The following GALNT1 variants were observed in gnomAD, a reference collection of about 807,000 sequenced individuals.
The protein encoded by GALNT1 is polypeptide N-acetylgalactosaminyltransferase 1.
A neutral mutation model predicts 65.7 loss-of-function variants in GALNT1; 17 were observed. The observed-to-expected ratio is 0.26, with a 90% CI of 0.18 to 0.39. The LOEUF (loss-of-function observed/expected upper bound fraction) is 0.39. GALNT1 is among the 10% of genes least tolerant of loss of function. GALNT1 has a pLI of 1.00. For synonymous variants in GALNT1, 210 were observed against 219.7 expected (o/e 0.96, Z 0.39); for missense variants, 460 against 672.8 (o/e 0.68, Z 3.50).
At chr18:35,647,648 A>G (rs1405237063) in intron 1 of GALNT1, among the ~76,000 whole-genome samples, 1 of 152,122 alleles carries the variant, frequency 6.6e-6, no homozygotes, top group Non-Finnish European at 1.5e-5. Context: ...TCTGGTTAGT[A>G]TGATGTAAAA....
chr18:35,598,049 T>TCCCC (rs2046529666), intron 1 of GALNT1, among the ~76,000 whole-genome samples: 1 of 75,338 alleles, frequency 1.3e-5, no homozygotes, highest in Non-Finnish European at 2.4e-5. Flanking sequence ...CTCCCCTCCC[T>TCCCC]TCTCTTCTTT....
At chr18:35,692,359 TG>T in intron 9 of GALNT1, 39 bp downstream of exon 9, 1 of 1,277,264 alleles carries the variant, frequency 7.8e-7, no homozygotes, top group South Asian at 1.9e-5. Context: ...GTGGTTATTA[TG>T]TTCTTACTTT....
rs973900880 is a variant in GALNT1, at chr18:35,649,043, A to C, written c.-103-5517A>C. 6.6e-5 allele frequency among the ~76,000 whole-genome samples: 10 copies of C among 152,316 alleles called. No homozygotes were observed. In the East Asian group the frequency reaches 1.9e-3, roughly 29 times the overall value. On this transcript the variant is annotated intron_variant, in intron 1 of 11. Transcript: ENST00000269195. The stretch of plus-strand genomic sequence containing the variant: ...TATTGATGATTATAAGTAGGCTGCT[A>C]TAAAGATGTGCATACAGGGCTGTGT...
chr18:35,598,013 C>T (rs1598780418), intron 1 of GALNT1, among the ~76,000 whole-genome samples: 1 of 86,800 alleles, frequency 1.2e-5, no homozygotes, highest in Non-Finnish European at 2.5e-5. Context: ...CCTCCCCTCC[C>T]CTCCCCTCCA....
At chr18:35,678,417 T>C (rs2047742209) in intron 4 of GALNT1, among the ~76,000 whole-genome samples, 1 of 152,140 alleles carries the variant, frequency 6.6e-6, no homozygotes, top group African/African-American at 2.4e-5. Context: ...GAAATACTCT[T>C]TGGGAAAGGA....
chr18:35,634,398 G>C (rs147957442), intron 1 of GALNT1, among the ~76,000 whole-genome samples: 1 of 152,110 alleles, frequency 6.6e-6, no homozygotes, highest in African/African-American at 2.4e-5. Context: ...AGACCCACCC[G>C]TAGGTTCAGT....
chr18:35,677,895 C>A, intron 4 of GALNT1, 138 bp downstream of exon 4: 1 of 602,012 alleles, frequency 1.7e-6, no homozygotes. Context: ...TGGATTCATT[C>A]ACATATGTAA....
At chr18:35,598,992 T>A (rs2046542239) in intron 1 of GALNT1, among the ~76,000 whole-genome samples, 3 of 108,496 alleles carry the variant, frequency 2.8e-5, no homozygotes, top group Admixed American at 2.6e-4. Context: ...TATCCAGGCG[T>A]TTTTTTTTTT....
Position 35,692,322 on chromosome 18 carries a change from TAAGA to T in GALNT1, c.1299+5_1299+8del. The T allele has an allele frequency of 6.5e-7, 1 of 1,530,184 alleles. No homozygotes were observed. The highest frequency in any genetic ancestry group is 1.4e-5 in the African/African-American group (1 of 72,434). The allele number at this position is 1,530,184 out of a possible 1,614,324, so 94.8% of individuals were successfully genotyped here. A position where few individuals can be genotyped will look rare whatever the true frequency, so the allele number is the denominator to read the frequency against. Reference sequence around the variant, plus strand: ...CGTCACTATTTCTCATTGGGAGAGGTAAGAAATATATATATATATATTCTATGTG... The same window carrying T: ...CGTCACTATTTCTCATTGGGAGAGGTAATATATATATATATATTCTATGTG... On this transcript the variant is annotated splice_donor_5th_base_variant and intron_variant, in intron 9 of 11. Transcript: ENST00000269195.
chr18:35,583,596 T>C (rs2046348592), intron 1 of GALNT1, among the ~76,000 whole-genome samples: 1 of 152,172 alleles, frequency 6.6e-6, no homozygotes, highest in Non-Finnish European at 1.5e-5. Context: ...GATAAACGAA[T>C]GAGTGTGCTA....
Position 35,710,588 on chromosome 18 carries a change from C to G in GALNT1, c.*818C>G, listed in dbSNP as rs1373337798. On this transcript the variant is annotated 3_prime_UTR_variant, in exon 12 of 12. Transcript: ENST00000269195. ...TGCCTTCTAAAAAATGGAAATTTAA[C>G]AATGTCTGATCTCAGCTGAACAAAT... 6.6e-6 allele frequency: 1 copy of G among 152,322 alleles called. No individual in the cohort carries two copies. The highest frequency in any genetic ancestry group is 6.5e-5 in the Admixed American group (1 of 15,274). The allele number at this position is 152,322 out of a possible 1,614,324, so 9.4% of individuals were successfully genotyped here.
intron 9 of GALNT1, among the ~76,000 whole-genome samples, chr18:35,700,665 T>C (rs1335637242): frequency 6.6e-6 from 1 of 152,190 alleles, no homozygotes; most frequent in Non-Finnish European, 1.5e-5. Flanking sequence ...TCTTACAAAA[T>C]AGAGGCAGGG....
intron 9 of GALNT1, among the ~76,000 whole-genome samples, chr18:35,693,993 C>T (rs1215606269): frequency 6.6e-6 from 1 of 152,006 alleles, no homozygotes; most frequent in Non-Finnish European, 1.5e-5. Flanking sequence ...AGAGTGGTGT[C>T]GCCAAGACTA....
intron 2 of GALNT1, among the ~76,000 whole-genome samples, chr18:35,662,582 TG>T (rs140546568): frequency 0.095 from 14,497 of 152,206 alleles, 832 homozygotes; most frequent in African/African-American, 0.17. Flanking sequence ...TGAAGAGAGA[TG>T]GCTTTTCTGC....
At chr18:35,587,420 G>C (rs79445836) in intron 1 of GALNT1, among the ~76,000 whole-genome samples, 15,830 of 152,212 alleles carry the variant, frequency 0.1, 1,062 homozygotes, top group African/African-American at 0.2. Context: ...GACAGTCTTT[G>C]TGATCTTGGG....
At chr18:35,623,140 G>A (rs926546995) in intron 1 of GALNT1, among the ~76,000 whole-genome samples, 16 of 152,056 alleles carry the variant, frequency 1.1e-4, no homozygotes, top group Middle Eastern at 3.2e-3. Context: ...TATATTTACC[G>A]TTTCTGGTGT....
intron 1 of GALNT1, among the ~76,000 whole-genome samples, chr18:35,649,497 C>G (rs1330942877): frequency 2.0e-5 from 3 of 152,092 alleles, no homozygotes; most frequent in South Asian, 2.1e-4. Flanking sequence ...GTGACTTGCT[C>G]TTTATTTTCT....
chr18:35,660,194 T>TTTTA (rs1159022139), intron 2 of GALNT1, among the ~76,000 whole-genome samples: 1 of 151,714 alleles, frequency 6.6e-6, no homozygotes, highest in Non-Finnish European at 1.5e-5. Context: ...GATTTTAGCC[T>TTTTA]TTTATTAGTA....
intron 2 of GALNT1, among the ~76,000 whole-genome samples, chr18:35,660,152 G>A (rs1344791922): frequency 1.3e-5 from 2 of 152,140 alleles, no homozygotes; most frequent in Non-Finnish European, 2.9e-5. Flanking sequence ...TGTTAATTGT[G>A]TAGTAAGATC....
Sources: allele counts gnomAD v4.1 joint callset (sites outside exome capture counted in the v4.1 genomes callset), GRCh38; gene constraint gnomAD v4.1.1; transcripts MANE v1.5; gene names NCBI Gene and HGNC (gene_info 2026-07-23, HGNC 2026-07-21).